Variants in SRFBP1 observed in about 807,000 individuals in gnomAD.
The protein encoded by SRFBP1 is serum response factor binding protein 1.
Under a neutral mutation model 45.5 loss-of-function variants are expected in SRFBP1, and 47 were observed. The ratio of observed to expected loss-of-function variants is 1.03; its 90% confidence interval spans 0.82 to 1.32. The LOEUF (loss-of-function observed/expected upper bound fraction) is 1.32. SRFBP1 is among the 40% of genes most tolerant of loss of function. The pLI, the probability that SRFBP1 is intolerant of heterozygous loss-of-function variation, is 0.00. For missense variants in SRFBP1, 621 were observed against 484.6 expected, an observed-to-expected ratio of 1.28 and a Z score of -2.64; for synonymous variants, 203 against 166.3, an observed-to-expected ratio of 1.22 and a Z score of -1.70.
At chr5:122,036,625 A>G (rs947393077) in intron 2 of SRFBP1, among the ~76,000 whole-genome samples, 1 of 152,158 alleles carries the variant, frequency 6.6e-6, no homozygotes, top group Admixed American at 6.5e-5. Context: ...ATTTACGCCT[A>G]TGTGATTGAC....
Position 121,986,439 on chromosome 5 carries a change from A to C in SRFBP1, c.199-8160A>C, listed in dbSNP as rs151083958. 5.0e-3 allele frequency among the ~76,000 whole-genome samples: 763 copies of C among 152,188 alleles called. 10 individuals carry two copies. Among genetic ancestry groups the C allele is most frequent in the African/African-American group, 0.017 (720 of 41,530 alleles). The stretch of plus-strand genomic sequence containing the variant: ...GTTGACAAGTGTTATAATTAGGTTG[A>C]TCATATAACCAAATTTCCCTGGGAT... On this transcript the variant is annotated intron_variant, in intron 3 of 7. Coordinates refer to ENST00000339397, the MANE Select transcript of SRFBP1 (RefSeq NM_152546.3).
chr5:122,001,478 A>G (rs1449988455), intron 4 of SRFBP1, among the ~76,000 whole-genome samples: 11 of 149,678 alleles, frequency 7.3e-5, no homozygotes, highest in Non-Finnish European at 1.5e-5. Flanking sequence ...GTTGTATATT[A>G]AATAAATGAA....
chr5:121,965,448 T>C (rs185210812), intron 1 of SRFBP1, among the ~76,000 whole-genome samples: 1 of 152,358 alleles, frequency 6.6e-6, no homozygotes, highest in Non-Finnish European at 1.5e-5. Context: ...AAATAGGGAA[T>C]CATTTCCCCA....
chr5:122,065,245 T>C (rs140189336), intron 2 of SRFBP1: 2 of 152,214 alleles, frequency 1.3e-5, no homozygotes, highest in African/African-American at 4.8e-5. Flanking sequence ...GAATGATTAC[T>C]AGTAATTGAT....
At chr5:121,995,989 A>T (rs1580514431) in intron 4 of SRFBP1, among the ~76,000 whole-genome samples, 1 of 152,306 alleles carries the variant, frequency 6.6e-6, no homozygotes, top group East Asian at 1.9e-4. Context: ...TTAGTAGACC[A>T]ATAACAGGAG....
chr5:121,962,055 A>G lies in SRFBP1; in HGVS notation c.23A>G (p.Asn8Ser). 6.2e-7 allele frequency: 1 copy of G among 1,613,970 alleles called. No homozygotes were observed. Among genetic ancestry groups the G allele is most frequent in the South Asian group, 1.1e-5 (1 of 91,064 alleles). The change falls in exon 1 of 8, where the codon AAC becomes AGC. Residue 8 changes from asparagine to serine, a missense_variant. Asn to Ser is a conservative substitution (Grantham distance 46). Coordinates refer to ENST00000339397, the MANE Select transcript of SRFBP1 (RefSeq NM_152546.3). ...ACCATGGCTCAGCCGGGAACTCTGA[A>G]CCTCAATAACGAGGTGAGCGCCGAG... MAQPGTL[N>S]LNNEVVKMRK...
intron 2 of SRFBP1, among the ~76,000 whole-genome samples, chr5:122,039,621 A>T (rs1753742383): frequency 6.6e-6 from 1 of 152,140 alleles, no homozygotes; most frequent in Non-Finnish European, 1.5e-5. Flanking sequence ...ACAGACGTTG[A>T]TATACTGGGC....
intron 4 of SRFBP1, among the ~76,000 whole-genome samples, chr5:121,995,682 TAG>T (rs1377624329): frequency 1.3e-5 from 2 of 151,552 alleles, no homozygotes; most frequent in Admixed American, 1.3e-4. Flanking sequence ...CTCAAGGAAA[TAG>T]AGACACAAAA....
intron 4 of SRFBP1, among the ~76,000 whole-genome samples, chr5:122,006,225 T>C (rs1012034670): frequency 6.6e-6 from 1 of 152,186 alleles, no homozygotes; most frequent in Non-Finnish European, 1.5e-5. Context: ...CACTCTTTCC[T>C]GGCTTATAAG....
chr5:122,062,459 C>A (rs114480817), intron 2 of SRFBP1, among the ~76,000 whole-genome samples: 1 of 151,996 alleles, frequency 6.6e-6, no homozygotes, highest in Admixed American at 6.6e-5. Context: ...ACACCCCTAT[C>A]TTTGGTTACT....
intron 1 of SRFBP1, among the ~76,000 whole-genome samples, chr5:121,970,592 A>G (rs1752168010): frequency 1.3e-5 from 2 of 150,696 alleles, no homozygotes; most frequent in Admixed American, 6.6e-5. Flanking sequence ...TATGCAAAGT[A>G]TGATTTTTTT....
chr5:122,031,098 C>G (rs1222252987), downstream of SRFBP1, among the ~76,000 whole-genome samples: 1 of 152,122 alleles, frequency 6.6e-6, no homozygotes, highest in East Asian at 1.9e-4. Flanking sequence ...CACACAGAGT[C>G]CCCAATACAA....
chr5:122,032,149 A>G (rs1753598673), downstream of SRFBP1, among the ~76,000 whole-genome samples: 1 of 152,242 alleles, frequency 6.6e-6, no homozygotes, highest in Admixed American at 6.5e-5. Flanking sequence ...AGATATATAT[A>G]AAGTTCCCTG....
chr5:122,046,342 T>C (rs369942171), intron 2 of SRFBP1, among the ~76,000 whole-genome samples: 2 of 152,058 alleles, frequency 1.3e-5, no homozygotes, highest in African/African-American at 4.8e-5. Context: ...TGATGGTTTC[T>C]AGCTTCATCC....
chr5:122,057,369 G>A (rs1754097409), intron 2 of SRFBP1, among the ~76,000 whole-genome samples: 1 of 151,980 alleles, frequency 6.6e-6, no homozygotes, highest in South Asian at 2.1e-4. Flanking sequence ...CAAGTTTTCA[G>A]GTTATTATTT....
At chr5:122,009,573 G>A (rs752823173) in intron 4 of SRFBP1, among the ~76,000 whole-genome samples, 1 of 152,212 alleles carries the variant, frequency 6.6e-6, no homozygotes, top group Non-Finnish European at 1.5e-5. Flanking sequence ...CCATTCTTCA[G>A]ATGAGTAGAA....
chr5:122,026,145 G>C (rs955218935), intron 7 of SRFBP1, among the ~76,000 whole-genome samples: 4 of 152,188 alleles, frequency 2.6e-5, no homozygotes, highest in Admixed American at 2.6e-4. Context: ...AAATTACATA[G>C]TCATAGGACT....
intron 3 of SRFBP1, among the ~76,000 whole-genome samples, chr5:121,978,674 TA>T (rs1168781264): frequency 6.6e-6 from 1 of 152,114 alleles, no homozygotes; most frequent in Non-Finnish European, 1.5e-5. Context: ...GTATTTTTAG[TA>T]GAGACAAGGT....
At chr5:122,001,128 AAAAAG>A (rs1752857006) in intron 4 of SRFBP1, among the ~76,000 whole-genome samples, 1 of 152,060 alleles carries the variant, frequency 6.6e-6, no homozygotes, top group Non-Finnish European at 1.5e-5. Context: ...CACTATTCTC[AAAAAG>A]TGATGGGATA....
Sources: gnomAD v4.1 joint callset for allele counts (sites outside exome capture counted in the v4.1 genomes callset) on GRCh38, gnomAD v4.1.1 for gene constraint, MANE v1.5 for transcripts, NCBI Gene and HGNC (gene_info 2026-07-23, HGNC 2026-07-21) for gene names.